Variants in SVEP1 observed in about 807,000 individuals in gnomAD.
SVEP1 encodes the protein sushi, von Willebrand factor type A, EGF and pentraxin domain containing 1.
Under a neutral mutation model 367.3 loss-of-function variants are expected in SVEP1, and 164 were observed. That is an observed-to-expected ratio of 0.45 (90% CI 0.39 to 0.51). The LOEUF is 0.51. Ranked by LOEUF, SVEP1 falls within the 20% of genes least tolerant of loss-of-function variation. The pLI is 0.00. For synonymous variants in SVEP1, 1,666 were observed against 1,611.6 expected (o/e 1.03, Z -0.81); for missense variants, 4,117 against 4,425.3 (o/e 0.93, Z 1.98).
In SVEP1 at chr9:110,406,433, A is replaced by G. The variant is rs1168183763; in HGVS notation, c.9167T>C (p.Phe3056Ser). The change falls in exon 38 of 48, where the codon TTC (phenylalanine) becomes TCC (serine). Residue 3056 changes from phenylalanine (F) to serine (S), a missense_variant. Phe to Ser is a radical substitution (Grantham distance 155). Around this residue, in one of 4 missense-constraint regions of SVEP1, gnomAD observed 1,765 missense variants for 1,781.1 expected, o/e 0.99. Coordinates refer to ENST00000374469, the MANE Select transcript of SVEP1 (RefSeq NM_153366.4). The part of the protein sequence containing the change: ...CEADGQWSSG[F>S]PHCEHTSCGS... Reference sequence around the variant, plus strand: ...ACAAGAAGTGTGTTCACAGTGGGGGAACCCAGAGCTCCACTGGCCATCGGC... The same window carrying G: ...ACAAGAAGTGTGTTCACAGTGGGGGGACCCAGAGCTCCACTGGCCATCGGC... 6.2e-7 allele frequency: 1 copy of G among 1,614,034 alleles called. No individual in the cohort carries two copies. The highest frequency in any genetic ancestry group is 1.1e-5 in the South Asian group (1 of 91,084).
intron 11 of SVEP1, 139 bp from the exon 12 acceptor site, chr9:110,481,575 G>A: frequency 1.9e-6 from 1 of 535,528 alleles, no homozygotes; most frequent in East Asian, 3.2e-5. Flanking sequence ...TATGTCTTTA[G>A]TGCAGGAGAA....
At chr9:110,500,077 G>A (rs1475980753) in intron 6 of SVEP1, among the ~76,000 whole-genome samples, 4 of 152,180 alleles carry the variant, frequency 2.6e-5, no homozygotes, top group African/African-American at 9.7e-5. Flanking sequence ...CTTTCCTAAA[G>A]TCACCATGCA....
At chr9:110,384,028 T>G (rs1827483459) in intron 43 of SVEP1, among the ~76,000 whole-genome samples, 1 of 152,122 alleles carries the variant, frequency 6.6e-6, no homozygotes, top group African/African-American at 2.4e-5. Context: ...AGCTCAGTCA[T>G]CTTAGGCAGC....
intron 36 of SVEP1, among the ~76,000 whole-genome samples, chr9:110,424,840 A>G (rs1182138261): frequency 1.3e-5 from 2 of 152,130 alleles, no homozygotes; most frequent in African/African-American, 4.8e-5. Flanking sequence ...ACACCCAGCT[A>G]ATTTTGTCTT....
At chr9:110,499,711 G>A (rs925030593) in intron 6 of SVEP1, among the ~76,000 whole-genome samples, 1 of 152,102 alleles carries the variant, frequency 6.6e-6, no homozygotes, top group African/African-American at 2.4e-5. Flanking sequence ...TTATATTTAG[G>A]GCCTTGACCT....
intron 36 of SVEP1, among the ~76,000 whole-genome samples, chr9:110,425,080 C>A (rs984574041): frequency 1.7e-4 from 26 of 152,172 alleles, no homozygotes; most frequent in African/African-American, 6.3e-4. Context: ...CAGAGCACCC[C>A]TAAAAGGGCA....
chr9:110,439,012 A>C (rs531472563), intron 27 of SVEP1, among the ~76,000 whole-genome samples: 84 of 152,260 alleles, frequency 5.5e-4, no homozygotes, highest in Admixed American at 4.6e-3. Context: ...TAGAATTCTT[A>C]CTTTAGCTAA....
intron 5 of SVEP1, among the ~76,000 whole-genome samples, chr9:110,507,082 C>T (rs1296840248): frequency 4.6e-5 from 7 of 151,988 alleles, no homozygotes; most frequent in Admixed American, 1.3e-4. Flanking sequence ...ATGATGGGGA[C>T]GTATATTCAT....
chr9:110,576,662 C>A (rs183892710), intron 1 of SVEP1, among the ~76,000 whole-genome samples: 3 of 151,922 alleles, frequency 2.0e-5, no homozygotes, highest in Non-Finnish European at 4.4e-5. Context: ...TGTTTCTATA[C>A]GTCAAGAAAA....
chr9:110,444,973 T>C (rs1394432134), intron 26 of SVEP1, among the ~76,000 whole-genome samples: 1 of 151,976 alleles, frequency 6.6e-6, no homozygotes, highest in Non-Finnish European at 1.5e-5. Flanking sequence ...TTCCCTTGGA[T>C]TGGGGATAGA....
chr9:110,565,631 G>C (rs1488986666), intron 1 of SVEP1, among the ~76,000 whole-genome samples: 3 of 152,118 alleles, frequency 2.0e-5, no homozygotes, highest in Non-Finnish European at 2.9e-5. Flanking sequence ...AAGTGGGTGT[G>C]AGATAAGGGT....
At chr9:110,424,087 G>A (rs1372345868) in intron 36 of SVEP1, among the ~76,000 whole-genome samples, 2 of 152,182 alleles carry the variant, frequency 1.3e-5, no homozygotes, top group South Asian at 2.1e-4. Flanking sequence ...GGAGCATTTG[G>A]TACTATCTTG....
rs770172676 is a variant in SVEP1, at chr9:110,458,937, T to C, written c.3484+15A>G. 1.3e-5 allele frequency: 21 copies of C among 1,606,182 alleles called. No homozygotes were observed. Among genetic ancestry groups the C allele is most frequent in the Middle Eastern group, 3.3e-4 (2 of 6,042 alleles). On this transcript the variant is annotated intron_variant, in intron 19 of 47. Coordinates refer to ENST00000374469, the MANE Select transcript of SVEP1 (RefSeq NM_153366.4). ...GTCCAACATAGGATTACATAAGAAATGAAGTTCATCTTACTTGAACATTCT... is the reference window on the plus strand; with the variant it reads ...GTCCAACATAGGATTACATAAGAAACGAAGTTCATCTTACTTGAACATTCT...
intron 7 of SVEP1, among the ~76,000 whole-genome samples, chr9:110,497,173 C>T (rs1049800196): frequency 2.6e-5 from 4 of 152,184 alleles, no homozygotes; most frequent in Non-Finnish European, 5.9e-5. Context: ...TTTTCTCCTA[C>T]AGGAATTCAC....
intron 1 of SVEP1, among the ~76,000 whole-genome samples, chr9:110,569,484 A>G (rs1045297054): frequency 1.3e-5 from 2 of 150,902 alleles, no homozygotes; most frequent in South Asian, 2.1e-4. Context: ...ATTTGAGGCT[A>G]TTGGGGCTGT....
rs1047031969 is a variant in SVEP1, at chr9:110,453,877, C to T, written c.3787+1713G>A. Among the ~76,000 whole-genome samples the T allele has an allele frequency of 1.9e-3, 112 of 58,064 alleles. 1 individual carries two copies. The highest frequency in any genetic ancestry group is 7.9e-3 in the African/African-American group (108 of 13,600). 38.1% of individuals were successfully genotyped at this position (58,064 alleles called of 152,430 possible). A position where few individuals can be genotyped will look rare whatever the true frequency, so the allele number is the denominator to read the frequency against. Reference sequence around the variant, plus strand: ...CAGCGAGACTCCATCTCAAAAAATACAAAAATTAAAAAAAAAAAAAAGCCA... The same window carrying T: ...CAGCGAGACTCCATCTCAAAAAATATAAAAATTAAAAAAAAAAAAAAGCCA... On this transcript the variant is annotated intron_variant, in intron 22 of 47. Transcript: ENST00000374469.
At chr9:110,560,160 A>G (rs1045604747) in intron 1 of SVEP1, among the ~76,000 whole-genome samples, 5 of 152,190 alleles carry the variant, frequency 3.3e-5, no homozygotes, top group Non-Finnish European at 5.9e-5. Context: ...AAATACACAA[A>G]TATTTAACAT....
chr9:110,410,808 G>A (rs912338580), intron 37 of SVEP1, among the ~76,000 whole-genome samples: 3 of 152,174 alleles, frequency 2.0e-5, no homozygotes, highest in Non-Finnish European at 4.4e-5. Context: ...AAGCCACAGA[G>A]CATTTGCTAA....
intron 3 of SVEP1, among the ~76,000 whole-genome samples, chr9:110,541,864 CATAG>C (rs1564171863): frequency 7.3e-6 from 1 of 137,220 alleles, no homozygotes; most frequent in Admixed American, 7.4e-5. Flanking sequence ...TATCTATATA[CATAG>C]ATATCTATAT....
Sources: gnomAD v4.1 joint callset for allele counts (sites outside exome capture counted in the v4.1 genomes callset) on GRCh38, gnomAD v4.1.1 for gene constraint, gnomAD v4.1.1 regional missense constraint, MANE v1.5 for transcripts, NCBI Gene and HGNC (gene_info 2026-07-23, HGNC 2026-07-21) for gene names.